TULP4: variants seen among roughly 807,000 people sequenced by gnomAD.
TULP4 encodes the protein tubby-related protein 4.
In TULP4, 16 loss-of-function variants were observed where a neutral mutation model predicts 129.0. That is an observed-to-expected ratio of 0.12 (90% confidence interval 0.08 to 0.19). The LOEUF (loss-of-function observed/expected upper bound fraction) is 0.19, where lower values mean the gene tolerates loss of function less well. TULP4 is among the 10% of genes least tolerant of loss of function. TULP4 has a pLI of 1.00. For synonymous variants in TULP4, 998 were observed against 854.0 expected (o/e 1.17, Z -2.94); for missense variants, 1,842 against 2,059.1 (o/e 0.89, Z 2.04).
At chr6:158,271,723 C>G (rs1219530976) in intron 1 of TULP4, among the ~76,000 whole-genome samples, 1 of 152,182 alleles carries the variant, frequency 6.6e-6, no homozygotes, top group East Asian at 1.9e-4. Flanking sequence ...AGCCACCACG[C>G]CTGGCCCCAC....
intron 1 of TULP4, among the ~76,000 whole-genome samples, chr6:158,400,553 G>C (rs967775490): frequency 2.6e-5 from 4 of 152,226 alleles, no homozygotes; most frequent in African/African-American, 9.6e-5. Flanking sequence ...TGTCAGATCT[G>C]ATCAGATCAT....
rs776221213 is a variant in TULP4, at chr6:158,502,062, A to T, written c.2399A>T (p.Lys800Met). Residue 800 changes from lysine (K) to methionine (M), a missense_variant, in exon 13 of 14, where the codon AAG becomes ATG. Lys to Met is a moderately conservative substitution (Grantham distance 95). Transcript: ENST00000367097. ...HGDRDHEHLQ[K>M]SAKALRPTPQ... Reference sequence around the variant, plus strand: ...GACCGAGACCACGAACACCTGCAGAAGTCAGCCAAGGCCCTGCGGCCAACA... The same window carrying T: ...GACCGAGACCACGAACACCTGCAGATGTCAGCCAAGGCCCTGCGGCCAACA... The T allele has an allele frequency of 1.2e-6, 2 of 1,613,438 alleles. No homozygotes were observed. Among genetic ancestry groups the T allele is most frequent in the Non-Finnish European group, 1.7e-6 (2 of 1,179,738 alleles).
At chr6:158,321,479 G>A (rs1006299628) in intron 1 of TULP4, among the ~76,000 whole-genome samples, 3 of 152,160 alleles carry the variant, frequency 2.0e-5, no homozygotes, top group Non-Finnish European at 2.9e-5. Flanking sequence ...AGATACAAAA[G>A]TGGACACCAG....
At chr6:158,340,449 A>T (rs1292506094) in intron 1 of TULP4, among the ~76,000 whole-genome samples, 1 of 151,810 alleles carries the variant, frequency 6.6e-6, no homozygotes, top group African/African-American at 2.4e-5. Context: ...ACACAGGGTG[A>T]GCGTGTGTGG....
intron 1 of TULP4, among the ~76,000 whole-genome samples, chr6:158,262,084 G>C (rs1051316697): frequency 6.6e-6 from 1 of 152,206 alleles, no homozygotes; most frequent in Non-Finnish European, 1.5e-5. Flanking sequence ...GGAAGAAAGG[G>C]AGACTGGACA....
At chr6:158,463,060 C>T (rs766264520) in intron 6 of TULP4, among the ~76,000 whole-genome samples, 6 of 152,066 alleles carry the variant, frequency 3.9e-5, no homozygotes, top group Non-Finnish European at 5.9e-5. Context: ...GGCCTACCTA[C>T]CCTGTGTCTT....
chr6:158,351,601 C>G (rs969622925), intron 1 of TULP4, among the ~76,000 whole-genome samples: 8 of 148,930 alleles, frequency 5.4e-5, no homozygotes, highest in Non-Finnish European at 1.0e-4. Flanking sequence ...TATTTGTGGA[C>G]TTTACAAACT....
chr6:158,319,475 G>A (rs1440420535), intron 1 of TULP4, among the ~76,000 whole-genome samples: 1 of 151,910 alleles, frequency 6.6e-6, no homozygotes, highest in African/African-American at 2.4e-5. Context: ...TGTCCCCACC[G>A]GCCATCCCTT....
At chr6:158,242,374 G>C (rs902312996) in intron 1 of TULP4, 2 of 1,505,014 alleles carry the variant, frequency 1.3e-6, no homozygotes, top group Non-Finnish European at 1.8e-6. Flanking sequence ...ACTGCTGAAG[G>C]GTTTGTTTTC....
chr6:158,364,430 G>A (rs768257178), intron 1 of TULP4, among the ~76,000 whole-genome samples: 1 of 152,130 alleles, frequency 6.6e-6, no homozygotes, highest in Non-Finnish European at 1.5e-5. Context: ...ATTGAAGCAT[G>A]TATTTTCTAG....
intron 3 of TULP4, among the ~76,000 whole-genome samples, chr6:158,430,393 C>CT (rs1266048609): frequency 1.3e-5 from 2 of 152,136 alleles, no homozygotes; most frequent in Admixed American, 6.5e-5. Context: ...TTTAATGTGC[C>CT]TATTTGACTT....
intron 1 of TULP4, among the ~76,000 whole-genome samples, chr6:158,282,628 A>G (rs926002511): frequency 3.3e-5 from 5 of 150,550 alleles, no homozygotes; most frequent in African/African-American, 1.2e-4. Flanking sequence ...TTCTCATGTT[A>G]TATTTGTGTA....
intron 5 of TULP4, among the ~76,000 whole-genome samples, chr6:158,453,948 G>A (rs984902124): frequency 3.4e-5 from 5 of 147,316 alleles, no homozygotes; most frequent in South Asian, 2.1e-4. Context: ...GGGAGACTCC[G>A]TCTCAAAAAA....
chr6:158,314,724 A>G (rs1268335018), intron 1 of TULP4, among the ~76,000 whole-genome samples: 3 of 152,350 alleles, frequency 2.0e-5, no homozygotes, highest in South Asian at 4.1e-4. Flanking sequence ...GTTAACATCT[A>G]CGTTCCTTTG....
At chr6:158,391,178 A>G (rs1282229519) in intron 1 of TULP4, among the ~76,000 whole-genome samples, 1 of 152,242 alleles carries the variant, frequency 6.6e-6, no homozygotes, top group African/African-American at 2.4e-5. Context: ...TCTTTCTTAT[A>G]CAGTGTAGTG....
intron 1 of TULP4, among the ~76,000 whole-genome samples, chr6:158,283,097 C>G (rs1050823453): frequency 2.6e-5 from 4 of 151,020 alleles, no homozygotes; most frequent in African/African-American, 7.3e-5. Context: ...TGACATCCCA[C>G]CACTGCACTG....
rs1295456387 is a variant in TULP4, at chr6:158,511,101, T to G, written c.*4407T>G. On this transcript the variant is annotated 3_prime_UTR_variant, in exon 14 of 14. Transcript: ENST00000367097. ...CTAATGGGTTGTGGCTTACTTTGTT[T>G]CCATTTTCTTTGGCTTTGTGCAATT... The G allele has an allele frequency of 6.6e-6, 1 of 152,666 alleles. No individual in the cohort carries two copies. The highest frequency in any genetic ancestry group is 6.5e-5 in the Admixed American group (1 of 15,278). 9.5% of individuals were successfully genotyped at this position (152,666 alleles called of 1,614,324 possible). A position where few individuals can be genotyped will look rare whatever the true frequency, so the allele number is the denominator to read the frequency against.
intron 1 of TULP4, among the ~76,000 whole-genome samples, chr6:158,247,102 C>T (rs998680885): frequency 6.6e-6 from 1 of 152,074 alleles, no homozygotes; most frequent in African/African-American, 2.4e-5. Flanking sequence ...TCAATTTAGA[C>T]TGTAATGGAT....
chr6:158,446,152 T>G (rs1324705400), intron 3 of TULP4, among the ~76,000 whole-genome samples: 1 of 152,216 alleles, frequency 6.6e-6, no homozygotes, highest in Non-Finnish European at 1.5e-5. Context: ...CCATTAAAAG[T>G]GATTAGGCAT....
Sources: gnomAD v4.1 joint callset for allele counts (sites outside exome capture counted in the v4.1 genomes callset) on GRCh38, gnomAD v4.1.1 for gene constraint, MANE v1.5 for transcripts, NCBI Gene and HGNC (gene_info 2026-07-23, HGNC 2026-07-21) for gene names.